Variants in RAF1 observed in about 807,000 individuals in gnomAD.
RAF1 encodes the protein Raf-1 proto-oncogene, serine/threonine kinase, also known as RAF proto-oncogene serine/threonine-protein kinase.
Under a neutral mutation model 81.1 loss-of-function variants are expected in RAF1, and 27 were observed. The ratio of observed to expected loss-of-function variants is 0.33; its 90% CI spans 0.25 to 0.46. The LOEUF is 0.46. Ranked by LOEUF, RAF1 falls within the 20% of genes least tolerant of loss-of-function variation. RAF1 has a pLI of 1.00. For missense variants in RAF1, 598 were observed against 826.0 expected, an observed-to-expected ratio of 0.72 and a Z score of 3.38; for synonymous variants, 298 against 294.0, an observed-to-expected ratio of 1.01 and a Z score of -0.14.
intron 5 of RAF1, chr3:12,608,475 C>T: frequency 2.3e-6 from 1 of 430,714 alleles, no homozygotes; most frequent in Admixed American, 3.6e-5. Context: ...AGCAAAAAAT[C>T]TTCTTGTTTT....
chr3:12,662,690 C>G (rs2060917151), intron 1 of RAF1, among the ~76,000 whole-genome samples: 1 of 152,058 alleles, frequency 6.6e-6, no homozygotes, highest in Admixed American at 6.6e-5. Context: ...CAGCTGTTCC[C>G]TGAGCTCCTC....
At chr3:12,648,010 T>C (rs1359658852) in intron 1 of RAF1, among the ~76,000 whole-genome samples, 3 of 152,232 alleles carry the variant, frequency 2.0e-5, no homozygotes, top group Non-Finnish European at 1.5e-5. Context: ...GTTCCACAAA[T>C]GATACCTGGA....
At chr3:12,663,740 T>C in intron 1 of RAF1, 73 bp downstream of exon 1, 1 of 394,800 alleles carries the variant, frequency 2.5e-6, no homozygotes, top group Non-Finnish European at 4.5e-6. Context: ...CCAGGCCCGG[T>C]CGCCCTGGAA....
chr3:12,637,778 G>T (rs570812854), intron 1 of RAF1, among the ~76,000 whole-genome samples: 1 of 151,940 alleles, frequency 6.6e-6, no homozygotes, highest in African/African-American at 2.4e-5. Flanking sequence ...GCTTGAACCC[G>T]AGAGGCAGAG....
intron 8 of RAF1, among the ~76,000 whole-genome samples, chr3:12,602,916 A>C (rs2058906708): frequency 6.6e-6 from 1 of 152,214 alleles, no homozygotes; most frequent in Non-Finnish European, 1.5e-5. Context: ...TCTAGGGTTT[A>C]TCAACCAAAA....
intron 1 of RAF1, among the ~76,000 whole-genome samples, chr3:12,647,174 C>A (rs985398513): frequency 6.6e-6 from 1 of 151,808 alleles, no homozygotes; most frequent in Non-Finnish European, 1.5e-5. Context: ...CGGGCACCTG[C>A]AGTCCCAGCT....
At chr3:12,643,244 A>G (rs2060246691) in intron 1 of RAF1, among the ~76,000 whole-genome samples, 2 of 152,192 alleles carry the variant, frequency 1.3e-5, no homozygotes, top group Non-Finnish European at 2.9e-5. Context: ...AAAAAGGTGT[A>G]CTGTATTTCC....
At chr3:12,648,374 TTC>T (rs1225075011) in intron 1 of RAF1, among the ~76,000 whole-genome samples, 4 of 151,968 alleles carry the variant, frequency 2.6e-5, no homozygotes, top group Non-Finnish European at 4.4e-5. Flanking sequence ...CCACACTAAT[TTC>T]TCTTTCATAC....
Position 12,656,796 on chromosome 3 carries a change from A to G in RAF1, c.-27+7017T>C, listed in dbSNP as rs532221632. Among the ~76,000 whole-genome samples the G allele has an allele frequency of 3.3e-5, 5 of 152,260 alleles. No individual in the cohort carries two copies. The South Asian group carries it at 1.0e-3, about 32-fold the overall frequency. ...TGGATCATCTGCAGTCAGGAGTTCA[A>G]GACCAGTCTGGCCAACATCATGAAA... On this transcript the variant is annotated intron_variant, in intron 1 of 17. Coordinates refer to ENST00000442415, the MANE Select transcript of RAF1 (RefSeq NM_001354689.3).
At chr3:12,661,739 TTAG>T (rs1174317668) in intron 1 of RAF1, among the ~76,000 whole-genome samples, 1 of 151,934 alleles carries the variant, frequency 6.6e-6, no homozygotes, top group African/African-American at 2.4e-5. Flanking sequence ...AAAATAAAAA[TTAG>T]TAGGAGAGTG....
chr3:12,663,558 T>G (rs969711894), intron 1 of RAF1, among the ~76,000 whole-genome samples: 1 of 152,198 alleles, frequency 6.6e-6, no homozygotes, highest in Non-Finnish European at 1.5e-5. Context: ...GGCATAAGGG[T>G]GGCGTTGGCA....
intron 1 of RAF1, among the ~76,000 whole-genome samples, chr3:12,659,227 A>G (rs1416012297): frequency 6.6e-6 from 1 of 151,884 alleles, no homozygotes; most frequent in Non-Finnish European, 1.5e-5. Flanking sequence ...CAGGAGTTCA[A>G]GACCAGCCTG....
At chr3:12,617,737 A>C (rs1382186054) in intron 2 of RAF1, among the ~76,000 whole-genome samples, 1 of 151,960 alleles carries the variant, frequency 6.6e-6, no homozygotes, top group African/African-American at 2.4e-5. Context: ...AATACAAAAA[A>C]CAAAAATCAG....
intron 2 of RAF1, among the ~76,000 whole-genome samples, chr3:12,613,926 T>C (rs1341732252): frequency 6.6e-6 from 1 of 151,798 alleles, no homozygotes; most frequent in East Asian, 1.9e-4. Flanking sequence ...GTGATGGGAG[T>C]GGGGAAGGAA....
Position 12,600,269 on chromosome 3 carries a change from T to C in RAF1, c.933A>G (p.Ser311=), listed in dbSNP as rs139135606. 7 of 1,614,032 alleles carry C rather than the reference T, an allele frequency of 4.3e-6. No individual in the cohort carries two copies. Among genetic ancestry groups the C allele is most frequent in the Non-Finnish European group, 5.1e-6 (6 of 1,180,040 alleles). Residue 311 remains serine, a synonymous_variant, in exon 10 of 18, where the codon TCA becomes TCG. Coordinates refer to ENST00000442415, the MANE Select transcript of RAF1 (RefSeq NM_001354689.3). Reference sequence around the variant, plus strand: ...GATTGTTGGGGCTACTGGACAGGGCTGAAGGTGAGGCTTAATAGACAAGAC... The same window carrying C: ...GATTGTTGGGGCTACTGGACAGGGCCGAAGGTGAGGCTTAATAGACAAGAC...
intron 1 of RAF1, among the ~76,000 whole-genome samples, chr3:12,662,697 C>T (rs1024113605): frequency 1.1e-4 from 17 of 152,060 alleles, no homozygotes; most frequent in Admixed American, 6.6e-4. Flanking sequence ...TCCCTGAGCT[C>T]CTCCTCACCC....
chr3:12,609,073 T>C (rs2125418177), intron 4 of RAF1, 150 bp from the exon 5 acceptor site: 1 of 1,112,236 alleles, frequency 9.0e-7, no homozygotes, highest in Non-Finnish European at 1.3e-6. Context: ...AGTATATCTC[T>C]GACTAATGAA....
chr3:12,603,039 C>T (rs1172139733), intron 8 of RAF1, among the ~76,000 whole-genome samples: 1 of 152,036 alleles, frequency 6.6e-6, no homozygotes, highest in African/African-American at 2.4e-5. Context: ...TTTTTAATGC[C>T]CTTGGCCTCA....
At chr3:12,641,170 A>G (rs1419915198) in intron 1 of RAF1, among the ~76,000 whole-genome samples, 2 of 128,292 alleles carry the variant, frequency 1.6e-5, no homozygotes, top group Admixed American at 9.7e-5. Flanking sequence ...CAATGAGAAC[A>G]CTTGGACACA....
Sources: allele counts gnomAD v4.1 joint callset (sites outside exome capture counted in the v4.1 genomes callset), GRCh38; gene constraint gnomAD v4.1.1; transcripts MANE v1.5; gene names NCBI Gene and HGNC (gene_info 2026-07-23, HGNC 2026-07-21).